Variants in CCDC3 observed in about 807,000 individuals in gnomAD.
CCDC3 encodes coiled-coil domain containing 3.
In CCDC3, 24 loss-of-function variants were observed where a neutral mutation model predicts 21.4. The ratio of observed to expected loss-of-function variants is 1.12; its 90% CI spans 0.81 to 1.58. The LOEUF is 1.58. Among genes scored for constraint, CCDC3 ranks in the 40% most tolerant of loss-of-function variants. The pLI is 0.00. For missense variants in CCDC3, 425 were observed against 360.9 expected (o/e 1.18, Z -1.44); for synonymous variants, 186 against 166.0 (o/e 1.12, Z -0.93).
At chr10:13,055,470 C>T (rs1011286174) in intron 4 of CCDC3, among the ~76,000 whole-genome samples, 6 of 151,542 alleles carry the variant, frequency 4.0e-5, no homozygotes, top group African/African-American at 7.3e-5. Flanking sequence ...GCTGGGACTA[C>T]AGGCATGCAC....
At chr10:12,963,140 A>G (rs1025981406) in intron 2 of CCDC3, among the ~76,000 whole-genome samples, 1 of 152,218 alleles carries the variant, frequency 6.6e-6, no homozygotes, top group African/African-American at 2.4e-5. Context: ...GAGGCAATTG[A>G]GACTGGGTTT....
At chr10:13,089,748 C>T (rs1332553495) in intron 3 of CCDC3, among the ~76,000 whole-genome samples, 1 of 149,224 alleles carries the variant, frequency 6.7e-6, no homozygotes, top group Non-Finnish European at 1.5e-5. Context: ...AAGTTTTTTA[C>T]TGGTGGTTTG....
At chr10:13,026,341 C>T (rs975703872) in intron 5 of CCDC3, among the ~76,000 whole-genome samples, 7 of 152,310 alleles carry the variant, frequency 4.6e-5, no homozygotes, top group Non-Finnish European at 8.8e-5. Context: ...TAATAACCTA[C>T]AGCTTTTACA....
At chr10:13,072,075 C>A (rs1476562337) in intron 4 of CCDC3, among the ~76,000 whole-genome samples, 2 of 152,044 alleles carry the variant, frequency 1.3e-5, no homozygotes, top group East Asian at 3.9e-4. Flanking sequence ...GGGCTTTTGG[C>A]CTCCCCTCCC....
chr10:12,989,083 C>T (rs925268201), intron 2 of CCDC3, among the ~76,000 whole-genome samples: 2 of 152,234 alleles, frequency 1.3e-5, no homozygotes, highest in South Asian at 2.1e-4. Flanking sequence ...AGTCTCAGCC[C>T]TGGAATCTTT....
rs1285407464 is a variant in CCDC3 at position 12,952,630 on chromosome 10, A to G, written c.549+45708T>C. ...GAACTTCATCCTTTGGCATTGATGA[A>G]CGAATCCGAATTCTCCAGGTGCATG... On this transcript the variant is annotated intron_variant, in intron 2 of 2. Transcript: ENST00000378825. Among the ~76,000 whole-genome samples, 4 of 152,128 alleles carry G rather than the reference A, an allele frequency of 2.6e-5. No individual in the cohort carries two copies. In the South Asian group the frequency reaches 8.3e-4, roughly 32 times the overall value.
chr10:12,909,223 A>G lies in CCDC3; in HGVS notation c.550-10544T>C, dbSNP rs151240179. Among the ~76,000 whole-genome samples, 282 of 152,342 alleles carry G rather than the reference A, an allele frequency of 1.9e-3. No homozygotes were observed. The Middle Eastern group carries it at 0.024, about 13-fold the overall frequency. ...ACAGCAGGAGGGCTATAAGGGCACT[A>G]CAGCCTGGCTGATGCAGGCATTCCC... On this transcript the variant is annotated intron_variant, in intron 2 of 2. Coordinates refer to ENST00000378825, the MANE Select transcript of CCDC3 (RefSeq NM_031455.4).
intron 2 of CCDC3, among the ~76,000 whole-genome samples, chr10:12,906,409 G>A (rs1204147745): frequency 6.6e-6 from 1 of 152,200 alleles, no homozygotes; most frequent in Non-Finnish European, 1.5e-5. Context: ...GGAAGAGGCT[G>A]GGGCAGGAGT....
chr10:12,955,098 T>C (rs1027352109), intron 2 of CCDC3, among the ~76,000 whole-genome samples: 4 of 152,234 alleles, frequency 2.6e-5, no homozygotes, highest in African/African-American at 9.7e-5. Context: ...AATAATCATT[T>C]ATTTTTAAAA....
At chr10:12,904,247 G>T (rs1350419269) in intron 2 of CCDC3, among the ~76,000 whole-genome samples, 2 of 151,918 alleles carry the variant, frequency 1.3e-5, no homozygotes, top group Admixed American at 1.3e-4. Context: ...TGGGAGGACT[G>T]CGTGAGCCTA....
chr10:13,088,335 A>G (rs988248501), intron 3 of CCDC3, among the ~76,000 whole-genome samples: 1 of 152,224 alleles, frequency 6.6e-6, no homozygotes, highest in Non-Finnish European at 1.5e-5. Flanking sequence ...ATCTAATTCT[A>G]TTGGAGAGCT....
At position 13,018,324 on chromosome 10, in the gene CCDC3, C is replaced by T. The variant is rs572827738; in HGVS notation, c.-1-19812G>A. Among the ~76,000 whole-genome samples, 64 of 152,084 alleles carry T rather than the reference C, an allele frequency of 4.2e-4. 3 individuals are homozygous for T. The highest frequency in any genetic ancestry group is 7.7e-4 in the Non-Finnish European group (52 of 67,906). On this transcript the variant is annotated intron_variant, in intron 5 of 6. Transcript: ENST00000378839. ...CTGAAGGGAAGACTCACAGCTGGGC[C>T]CTCTCAAGAGAATGTAAATTCACAA...
chr10:12,916,293 ATGGTGG>A (rs1834355052), intron 2 of CCDC3, among the ~76,000 whole-genome samples: 8 of 152,120 alleles, frequency 5.3e-5, no homozygotes, highest in Non-Finnish European at 1.2e-4. Flanking sequence ...TTAGCTGGGC[ATGGTGG>A]TGCATGCCTG....
At chr10:13,026,088 C>T (rs894258748) in intron 5 of CCDC3, among the ~76,000 whole-genome samples, 17 of 151,840 alleles carry the variant, frequency 1.1e-4, no homozygotes, top group Non-Finnish European at 2.1e-4. Context: ...GGCTGAGGCA[C>T]GAGAATTGCT....
At chr10:12,954,732 C>T (rs1328300099) in intron 2 of CCDC3, among the ~76,000 whole-genome samples, 1 of 152,218 alleles carries the variant, frequency 6.6e-6, no homozygotes, top group East Asian at 1.9e-4. Flanking sequence ...CAAACACCTT[C>T]CATTAGGCGG....
At position 13,014,628 on chromosome 10, in the gene CCDC3, T is replaced by C. The variant is rs550843861; in HGVS notation, c.-1-16116A>G. 1.8e-4 allele frequency among the ~76,000 whole-genome samples: 28 copies of C among 152,026 alleles called. 1 individual carries two copies. Among genetic ancestry groups the C allele is most frequent in the Non-Finnish European group, 3.7e-4 (25 of 67,958 alleles). On this transcript the variant is annotated intron_variant, in intron 5 of 6. Coordinates refer to the CCDC3 transcript ENST00000378839. ...AATGGTGGTACTATATCAAAGCTAT[T>C]TCCATTTCTATGCCCTTGATTGTAG...
chr10:13,058,368 G>T, intron 4 of CCDC3: 1 of 1,060,410 alleles, frequency 9.4e-7, no homozygotes, highest in Non-Finnish European at 1.4e-6. Flanking sequence ...TGGGTCAGCA[G>T]CAGTCCAGGA....
At chr10:13,060,648 A>T (rs1836745820) in intron 4 of CCDC3, among the ~76,000 whole-genome samples, 1 of 152,106 alleles carries the variant, frequency 6.6e-6, no homozygotes, top group African/African-American at 2.4e-5. Flanking sequence ...GGGACCACAG[A>T]TGCACATCAC....
intron 2 of CCDC3, among the ~76,000 whole-genome samples, chr10:12,986,618 C>CA (rs1433014196): frequency 8.6e-5 from 13 of 151,874 alleles, no homozygotes; most frequent in South Asian, 2.1e-4. Context: ...ACTAAAAATA[C>CA]AAAAAATTAG....
Sources: allele counts gnomAD v4.1 joint callset (sites outside exome capture counted in the v4.1 genomes callset), GRCh38; gene constraint gnomAD v4.1.1; transcripts MANE v1.5; gene names NCBI Gene and HGNC (gene_info 2026-07-23, HGNC 2026-07-21).